SPDYA: variants seen among roughly 807,000 people sequenced by gnomAD.
SPDYA encodes the protein speedy protein A.
Under a neutral mutation model 36.7 loss-of-function variants are expected in SPDYA, and 11 were observed. The observed-to-expected ratio is 0.30, with a 90% CI of 0.19 to 0.50. The LOEUF (loss-of-function observed/expected upper bound fraction) is 0.50. Among genes scored for constraint, SPDYA ranks in the 20% least tolerant of loss-of-function variants. The pLI, the probability that SPDYA is intolerant of heterozygous loss-of-function variation, is 0.98. For missense variants in SPDYA, 287 were observed against 370.9 expected, an observed-to-expected ratio of 0.77 and a Z score of 1.86; for synonymous variants, 115 against 118.7, an observed-to-expected ratio of 0.97 and a Z score of 0.20.
chr2:28,836,860 G>A (rs1205585686), intron 6 of SPDYA, among the ~76,000 whole-genome samples: 1 of 152,110 alleles, frequency 6.6e-6, no homozygotes, highest in Admixed American at 6.5e-5. Flanking sequence ...TATTTACATT[G>A]GTGATGGCTT....
intron 6 of SPDYA, among the ~76,000 whole-genome samples, chr2:28,832,335 C>T (rs1429393130): frequency 6.6e-6 from 1 of 152,164 alleles, no homozygotes; most frequent in Non-Finnish European, 1.5e-5. Flanking sequence ...TTTGAGGATA[C>T]CAGGTTTTTT....
At chr2:28,829,063 A>C in intron 5 of SPDYA, 85 bp from the exon 6 acceptor site, 1 of 1,233,328 alleles carries the variant, frequency 8.1e-7, no homozygotes, top group Non-Finnish European at 1.1e-6. Context: ...TGTGTTTATA[A>C]ACCACTTTTA....
chr2:28,824,029 G>C (rs143859835), intron 5 of SPDYA, among the ~76,000 whole-genome samples: 2 of 151,432 alleles, frequency 1.3e-5, no homozygotes, highest in African/African-American at 4.8e-5. Flanking sequence ...TTACAGGCGT[G>C]AGCCACCGCG....
intron 6 of SPDYA, among the ~76,000 whole-genome samples, chr2:28,829,523 TCAACCGGG>T (rs1668421255): frequency 6.6e-6 from 1 of 152,048 alleles, no homozygotes; most frequent in African/African-American, 2.4e-5. Flanking sequence ...CTAAAAACTG[TCAACCGGG>T]CAAGCCCTGC....
chr2:28,829,341 A>G (rs752913854), intron 6 of SPDYA, 22 bp downstream of exon 6: 1 of 1,584,892 alleles, frequency 6.3e-7, no homozygotes, highest in Non-Finnish European at 8.5e-7. Flanking sequence ...AAAATGCTTT[A>G]TATATGTAAT....
chr2:28,819,087 G>A lies in SPDYA; in HGVS notation c.275G>A (p.Cys92Tyr), dbSNP rs776590782. Residue 92 changes from cysteine (C) to tyrosine (Y), a missense_variant, in exon 4 of 8, where the codon TGC becomes TAC. Physicochemically the swap from Cys to Tyr is radical, Grantham distance 194. Coordinates refer to ENST00000334056, the MANE Select transcript of SPDYA (RefSeq NM_182756.4). ...CAAGATTTCTTGTGGATGGACTGCT[G>A]CTGTAAAATTGCAGACAAGGTAAAT... ...LIQDFLWMDCCCKIADKYLLA... is the reference protein window; with the variant it reads ...LIQDFLWMDCYCKIADKYLLA... The A allele has an allele frequency of 4.3e-6, 7 of 1,611,478 alleles. No homozygotes were observed. The highest frequency in any genetic ancestry group is 4.2e-6 in the Non-Finnish European group (5 of 1,178,802).
In SPDYA at chr2:28,829,238, C is replaced by T. The variant is rs1431106628; in HGVS notation, c.471C>T (p.Phe157=). 1.9e-6 allele frequency: 3 copies of T among 1,613,712 alleles called. No individual in the cohort carries two copies. The highest frequency in any genetic ancestry group is 1.3e-5 in the African/African-American group (1 of 74,846). The part of the protein sequence containing the change: ...WALGKNWRKL[F]PNFLKLRDQL... ...TAGGGAAAAACTGGAGAAAATTGTTCCCTAATTTCTTAAAGTTAAGGGACC... is the reference window on the plus strand; with the variant it reads ...TAGGGAAAAACTGGAGAAAATTGTTTCCTAATTTCTTAAAGTTAAGGGACC... The change falls in exon 6 of 8, where the codon TTC becomes TTT. Residue 157 remains phenylalanine (F), a synonymous_variant. Transcript: ENST00000334056.
At chr2:28,831,866 C>T (rs1373222926) in intron 6 of SPDYA, among the ~76,000 whole-genome samples, 2 of 152,142 alleles carry the variant, frequency 1.3e-5, no homozygotes, top group African/African-American at 2.4e-5. Flanking sequence ...GATCTTTGCT[C>T]CTATCCAAAT....
chr2:28,842,812 G>T (rs1459151487), intron 7 of SPDYA, among the ~76,000 whole-genome samples: 1 of 152,186 alleles, frequency 6.6e-6, no homozygotes, highest in East Asian at 1.9e-4. Flanking sequence ...CTCACTGGGA[G>T]TAGAGGGGAG....
At chr2:28,824,774 C>A (rs1039628349) in intron 5 of SPDYA, among the ~76,000 whole-genome samples, 2 of 151,964 alleles carry the variant, frequency 1.3e-5, no homozygotes, top group Non-Finnish European at 2.9e-5. Context: ...TGGTCTTGAT[C>A]TCCTGACCTC....
At chr2:28,824,451 G>A (rs1668262272) in intron 5 of SPDYA, among the ~76,000 whole-genome samples, 1 of 147,808 alleles carries the variant, frequency 6.8e-6, no homozygotes, top group Non-Finnish European at 1.5e-5. Flanking sequence ...ACTCCAGCCT[G>A]GGCAACAGAG....
At chr2:28,839,997 A>G (rs1168014238) in intron 6 of SPDYA, among the ~76,000 whole-genome samples, 175 bp from the exon 7 acceptor site, 1 of 152,180 alleles carries the variant, frequency 6.6e-6, no homozygotes, top group Non-Finnish European at 1.5e-5. Flanking sequence ...GATCCAAGCA[A>G]TGAGTCACTT....
intron 4 of SPDYA, among the ~76,000 whole-genome samples, chr2:28,820,440 G>A (rs191610931): frequency 4.7e-4 from 72 of 151,986 alleles, no homozygotes; most frequent in African/African-American, 1.6e-3. Context: ...ACAAAAATTA[G>A]CCAGGTGTGG....
chr2:28,840,597 C>G (rs928196114), intron 7 of SPDYA, 128 bp downstream of exon 7: 4 of 1,414,716 alleles, frequency 2.8e-6, no homozygotes, highest in Non-Finnish European at 1.8e-6. Context: ...AATCTTGAAA[C>G]TTTCTCCCCT....
intron 5 of SPDYA, 95 bp from the exon 6 acceptor site, chr2:28,829,053 T>G (rs1668408813): frequency 5.8e-6 from 6 of 1,029,272 alleles, no homozygotes; most frequent in South Asian, 3.5e-5. Flanking sequence ...ACACCTTTCA[T>G]GTGTTTATAA....
chr2:28,842,959 T>C (rs1321416262), intron 7 of SPDYA, among the ~76,000 whole-genome samples: 1 of 150,966 alleles, frequency 6.6e-6, no homozygotes, highest in African/African-American at 2.4e-5. Context: ...CATCTGATAG[T>C]ATGTGGTTGC....
In SPDYA at chr2:28,826,484, GTC is replaced by G. The variant is rs541016904; in HGVS notation, c.381-2660_381-2659del. Among the ~76,000 whole-genome samples, 20 of 151,908 alleles carry G rather than the reference GTC, an allele frequency of 1.3e-4. No individual in the cohort carries two copies. In the South Asian group the frequency reaches 3.9e-3, roughly 30 times the overall value. On this transcript the variant is annotated intron_variant, in intron 5 of 7. Coordinates refer to ENST00000334056, the MANE Select transcript of SPDYA (RefSeq NM_182756.4). ...GACAACTCAGAAAATTCTATCCACT[GTC>G]TCTTCAAATATTTCTCTTCCTCTGC...
intron 7 of SPDYA, among the ~76,000 whole-genome samples, chr2:28,841,484 T>C (rs924038304): frequency 6.6e-6 from 1 of 152,144 alleles, no homozygotes; most frequent in Non-Finnish European, 1.5e-5. Flanking sequence ...TCCTTTTTAC[T>C]TACAAAGCCT....
Position 28,816,191 on chromosome 2 carries a change from C to T in SPDYA, c.177C>T (p.Pro59=), listed in dbSNP as rs1220144057. ...NTHNNNKSKR[P]KGPCLVIQRQ... ...ATAATAACAACAAATCTAAACGCCC[C>T]AAAGGACCTTGTCTGGTTATACAGC... is the stretch of plus-strand genomic sequence containing the variant. Residue 59 remains proline, a synonymous_variant, in exon 3 of 8, where the codon CCC becomes CCT. Coordinates refer to ENST00000334056, the MANE Select transcript of SPDYA (RefSeq NM_182756.4). The T allele has an allele frequency of 6.2e-7, 1 of 1,613,922 alleles. No homozygotes were observed. The highest frequency in any genetic ancestry group is 8.5e-7 in the Non-Finnish European group (1 of 1,179,948).
Sources: allele counts gnomAD v4.1 joint callset (sites outside exome capture counted in the v4.1 genomes callset), GRCh38; gene constraint gnomAD v4.1.1; transcripts MANE v1.5; gene names NCBI Gene and HGNC (gene_info 2026-07-23, HGNC 2026-07-21).